Variants in TMED3 observed in about 807,000 individuals in gnomAD.
TMED3 encodes transmembrane emp24 domain-containing protein 3.
In TMED3, 9 loss-of-function variants were observed where a neutral mutation model predicts 15.0. That is an observed-to-expected ratio of 0.60 (90% CI 0.36 to 1.04). The LOEUF is 1.04. Ranked by LOEUF, TMED3 falls within the 50% of genes least tolerant of loss-of-function variation. The pLI, the probability that TMED3 is intolerant of heterozygous loss-of-function variation, is 0.01. For synonymous variants in TMED3, 117 were observed against 121.4 expected, an observed-to-expected ratio of 0.96 and a Z score of 0.24; for missense variants, 267 against 278.9, an observed-to-expected ratio of 0.96 and a Z score of 0.30.
chr15:79,340,257 G>C (rs985708849), intron 2 of TMED3, among the ~76,000 whole-genome samples: 14 of 152,202 alleles, frequency 9.2e-5, no homozygotes, highest in African/African-American at 3.4e-4. Context: ...GCAGGCACAA[G>C]CCATGGTCTC....
At chr15:79,349,069 C>A (rs1486647807) in intron 2 of TMED3, among the ~76,000 whole-genome samples, 1 of 152,134 alleles carries the variant, frequency 6.6e-6, no homozygotes, top group East Asian at 1.9e-4. Context: ...AACTCCTGGG[C>A]TCAAGTGATC....
At chr15:79,401,753 G>A (rs1448543747) in intron 2 of TMED3, among the ~76,000 whole-genome samples, 4 of 152,320 alleles carry the variant, frequency 2.6e-5, no homozygotes, top group Middle Eastern at 3.4e-3. Context: ...AAAGAGAAAC[G>A]AGGGTGGAAG....
chr15:79,314,437 A>C, intron 2 of TMED3: 7 of 417,788 alleles, frequency 1.7e-5, no homozygotes, highest in Non-Finnish European at 3.4e-5. Flanking sequence ...ATAGAAGTTT[A>C]TTCTCATGCA....
intron 2 of TMED3, among the ~76,000 whole-genome samples, chr15:79,382,616 A>G (rs750803236): frequency 5.9e-5 from 9 of 152,088 alleles, no homozygotes; most frequent in Non-Finnish European, 1.3e-4. Flanking sequence ...GCCCTTCACA[A>G]TTCTTCTGGG....
intron 2 of TMED3, among the ~76,000 whole-genome samples, chr15:79,376,473 C>T (rs948721619): frequency 2.0e-5 from 3 of 152,170 alleles, no homozygotes; most frequent in African/African-American, 7.2e-5. Flanking sequence ...GCACTTTAAT[C>T]CCATAACTAC....
chr15:79,324,073 C>T (rs1316963432), downstream of TMED3, among the ~76,000 whole-genome samples: 1 of 152,218 alleles, frequency 6.6e-6, no homozygotes, highest in Non-Finnish European at 1.5e-5. Context: ...TCACAGCAAC[C>T]TCCCCCTCCT....
At chr15:79,385,249 A>T (rs750876724) in intron 2 of TMED3, among the ~76,000 whole-genome samples, 13 of 152,170 alleles carry the variant, frequency 8.5e-5, no homozygotes, top group Non-Finnish European at 1.8e-4. Flanking sequence ...GAGACCCAGC[A>T]GCTTTATATA....
chr15:79,325,331 C>T (rs2058783460), downstream of TMED3, among the ~76,000 whole-genome samples: 1 of 152,108 alleles, frequency 6.6e-6, no homozygotes. Flanking sequence ...TGAACCCTTG[C>T]GATGCAACTG....
At chr15:79,328,676 A>T (rs2058796460) in intron 2 of TMED3, among the ~76,000 whole-genome samples, 2 of 151,986 alleles carry the variant, frequency 1.3e-5, no homozygotes, top group Non-Finnish European at 2.9e-5. Context: ...TGGCAAGGTG[A>T]CCATCCTCCA....
intron 2 of TMED3, among the ~76,000 whole-genome samples, chr15:79,402,870 G>A (rs1302128186): frequency 6.6e-6 from 1 of 152,094 alleles, no homozygotes; most frequent in Non-Finnish European, 1.5e-5. Flanking sequence ...TCAGATGACT[G>A]AGCCCAGTCC....
chr15:79,341,604 G>A (rs1595893701), intron 2 of TMED3, among the ~76,000 whole-genome samples: 2 of 152,180 alleles, frequency 1.3e-5, no homozygotes, highest in East Asian at 1.9e-4. Context: ...CAGCTGCCAA[G>A]CCCAGTAGGC....
intron 2 of TMED3, among the ~76,000 whole-genome samples, chr15:79,373,153 T>A (rs1377714580): frequency 1.3e-5 from 2 of 152,228 alleles, no homozygotes. Context: ...TGCCATGCAA[T>A]GAATTGGTGT....
At chr15:79,400,529 T>C (rs1206533572) in intron 2 of TMED3, among the ~76,000 whole-genome samples, 1 of 152,160 alleles carries the variant, frequency 6.6e-6, no homozygotes, top group Non-Finnish European at 1.5e-5. Flanking sequence ...AATGCGAAAA[T>C]GATACCTAGG....
At chr15:79,399,905 C>T (rs114553728) in intron 2 of TMED3, among the ~76,000 whole-genome samples, 3 of 152,302 alleles carry the variant, frequency 2.0e-5, no homozygotes, top group South Asian at 2.1e-4. Context: ...TCTTCCTCTC[C>T]GTGAGGTCCA....
chr15:79,400,524 G>A (rs969101729), intron 2 of TMED3, among the ~76,000 whole-genome samples: 6 of 152,120 alleles, frequency 3.9e-5, no homozygotes, highest in South Asian at 2.1e-4. Flanking sequence ...TGAACAATGC[G>A]AAAATGATAC....
At chr15:79,354,794 TG>T (rs1451564066) in intron 2 of TMED3, among the ~76,000 whole-genome samples, 1 of 152,132 alleles carries the variant, frequency 6.6e-6, no homozygotes, top group East Asian at 1.9e-4. Flanking sequence ...TCATTCCCTG[TG>T]GGGGCCCAAG....
chr15:79,362,287 G>A (rs1302572277), intron 2 of TMED3, among the ~76,000 whole-genome samples: 1 of 142,850 alleles, frequency 7.0e-6, no homozygotes, highest in Non-Finnish European at 1.5e-5. Flanking sequence ...GGCATATAGT[G>A]TGATCTTGCC....
chr15:79,398,494 T>G (rs1288113094), intron 2 of TMED3, among the ~76,000 whole-genome samples: 1 of 152,110 alleles, frequency 6.6e-6, no homozygotes, highest in Non-Finnish European at 1.5e-5. Flanking sequence ...TTTGACGGCC[T>G]TAGAGCCAGA....
intron 2 of TMED3, among the ~76,000 whole-genome samples, chr15:79,405,782 T>C (rs1893895080): frequency 6.6e-6 from 1 of 152,194 alleles, no homozygotes; most frequent in Non-Finnish European, 1.5e-5. Context: ...GCTTTGTAAA[T>C]GTCAAGACAA....
Sources: gnomAD v4.1 joint callset for allele counts (sites outside exome capture counted in the v4.1 genomes callset) on GRCh38, gnomAD v4.1.1 for gene constraint, MANE v1.5 for transcripts, NCBI Gene and HGNC (gene_info 2026-07-23, HGNC 2026-07-21) for gene names.